The following FAM107A variants were observed in gnomAD, a reference collection of about 807,000 sequenced individuals.
The protein encoded by FAM107A is family with sequence similarity 107 member A.
Under a neutral mutation model 13.7 loss-of-function variants are expected in FAM107A, and 19 were observed. The ratio of observed to expected loss-of-function variants is 1.38; its 90% CI spans 0.97 to 2.03. The LOEUF is 2.03. Ranked by LOEUF, FAM107A falls within the 30% of genes most tolerant of loss-of-function variation. The pLI, the probability that FAM107A is intolerant of heterozygous loss-of-function variation, is 0.00. For synonymous variants in FAM107A, 82 were observed against 74.5 expected (o/e 1.10, Z -0.52); for missense variants, 203 against 184.4 (o/e 1.10, Z -0.58).
chr3:58,565,356 A>G lies in FAM107A; in HGVS notation c.*1232T>C, dbSNP rs1245333075. The G allele has an allele frequency of 6.7e-6, 1 of 150,272 alleles. No homozygotes were observed. Among genetic ancestry groups the G allele is most frequent in the East Asian group, 2.0e-4 (1 of 5,078 alleles). 9.3% of individuals were successfully genotyped at this position (150,272 alleles called of 1,614,324 possible). A position where few individuals can be genotyped will look rare whatever the true frequency, so the allele number is the denominator to read the frequency against. On this transcript the variant is annotated 3_prime_UTR_variant, in exon 4 of 4. Coordinates refer to ENST00000360997, the MANE Select transcript of FAM107A (RefSeq NM_001076778.3). ...AAGGTGGCAGTGGGGTCTTCAAACC[A>G]CTGTTTCTATTCCAGAAGCCTACTG...
chr3:58,581,268 GAGGAACCCAA>G (rs773531143), upstream of FAM107A, among the ~76,000 whole-genome samples: 4 of 152,240 alleles, frequency 2.6e-5, no homozygotes, highest in Non-Finnish European at 5.9e-5. Context: ...TTGGGAACCA[GAGGAACCCAA>G]AGGAAGGGGG....
At chr3:58,621,020 T>C (rs1006607087) in intron 1 of FAM107A, among the ~76,000 whole-genome samples, 4 of 152,030 alleles carry the variant, frequency 2.6e-5, no homozygotes, top group African/African-American at 7.3e-5. Context: ...TTTCAGGAGT[T>C]TCAGCCCAGG....
intron 1 of FAM107A, among the ~76,000 whole-genome samples, chr3:58,574,752 G>A (rs956222918): frequency 7.2e-5 from 11 of 152,310 alleles, no homozygotes; most frequent in African/African-American, 2.4e-4. Context: ...TCTGAGGAAA[G>A]ATTTGGAACC....
At chr3:58,574,939 T>C (rs1466359423) in intron 1 of FAM107A, among the ~76,000 whole-genome samples, 1 of 151,922 alleles carries the variant, frequency 6.6e-6, no homozygotes, top group Non-Finnish European at 1.5e-5. Flanking sequence ...GGTGGCAGAT[T>C]TGAAACCAAA....
At chr3:58,622,394 T>G (rs953263865) in intron 1 of FAM107A, among the ~76,000 whole-genome samples, 4 of 152,184 alleles carry the variant, frequency 2.6e-5, no homozygotes, top group African/African-American at 7.2e-5. Context: ...TGAGCTGAGA[T>G]TGTGCCACTG....
upstream of FAM107A, among the ~76,000 whole-genome samples, chr3:58,578,997 C>T (rs902607710): frequency 1.3e-5 from 2 of 152,160 alleles, no homozygotes; most frequent in South Asian, 2.1e-4. Flanking sequence ...AGGTAATATC[C>T]CTGCTGTCAG....
At chr3:58,574,543 G>A (rs1480678123) in intron 1 of FAM107A, among the ~76,000 whole-genome samples, 1 of 152,322 alleles carries the variant, frequency 6.6e-6, no homozygotes, top group East Asian at 1.9e-4. Context: ...TCTTGGGATG[G>A]TCTCTAACCT....
intron 1 of FAM107A, among the ~76,000 whole-genome samples, chr3:58,608,344 G>T (rs1425369225): frequency 1.3e-5 from 2 of 152,144 alleles, no homozygotes; most frequent in African/African-American, 4.8e-5. Flanking sequence ...GAACAATTTT[G>T]CTTAAAATAA....
intron 1 of FAM107A, among the ~76,000 whole-genome samples, chr3:58,594,158 C>T (rs1355275145): frequency 6.6e-6 from 1 of 152,214 alleles, no homozygotes; most frequent in Non-Finnish European, 1.5e-5. Flanking sequence ...GGCTTTTCAG[C>T]TCCGCATTAC....
At chr3:58,612,986 G>A (rs143078001) in intron 1 of FAM107A, among the ~76,000 whole-genome samples, 1 of 152,094 alleles carries the variant, frequency 6.6e-6, no homozygotes, top group South Asian at 2.1e-4. Flanking sequence ...AGGAATTGAC[G>A]GCGCACAGGG....
At chr3:58,570,867 T>A (rs1436094337) in intron 1 of FAM107A, among the ~76,000 whole-genome samples, 1 of 152,260 alleles carries the variant, frequency 6.6e-6, no homozygotes, top group African/African-American at 2.4e-5. Flanking sequence ...AATGCAACTT[T>A]TGAAGTTTTC....
chr3:58,576,741 T>G (rs1176784748), intron 1 of FAM107A, among the ~76,000 whole-genome samples: 1 of 152,216 alleles, frequency 6.6e-6, no homozygotes, highest in Non-Finnish European at 1.5e-5. Context: ...GTGCACTATG[T>G]GCCATGCACT....
At chr3:58,607,365 G>A (rs1278582745) in intron 1 of FAM107A, among the ~76,000 whole-genome samples, 1 of 152,170 alleles carries the variant, frequency 6.6e-6, no homozygotes, top group Non-Finnish European at 1.5e-5. Context: ...GTTGAGGAAA[G>A]GGGAGCTGGC....
Position 58,599,696 on chromosome 3 carries a change from A to ATTTTTTTTTTTTTTTTTT in FAM107A, c.-69-10445_-69-10428dup, listed in dbSNP as rs57244654. ...GTGGTATACTTAAAACAAGTGCACC[A>ATTTTTTTTTTTTTTTTTT]TTTTTTTTTTTTTTTTTTTTTTTTT... On this transcript the variant is annotated intron_variant, in intron 1 of 3. Transcript: ENST00000465970. Among the ~76,000 whole-genome samples, 37 of 78,590 alleles carry ATTTTTTTTTTTTTTTTTT rather than the reference A, an allele frequency of 4.7e-4. 11 individuals carry two copies. The highest frequency in any genetic ancestry group is 6.7e-4 in the Non-Finnish European group (25 of 37,400). 51.6% of individuals were successfully genotyped at this position (78,590 alleles called of 152,430 possible). A position where few individuals can be genotyped will look rare whatever the true frequency, so the allele number is the denominator to read the frequency against.
exon 1 of FAM107A, chr3:58,587,043 T>G (rs2108062411): frequency 2.2e-6 from 3 of 1,365,596 alleles, no homozygotes; most frequent in Non-Finnish European, 2.8e-6. Context: ...CGGCCCCAAG[T>G]CCCAAACCCC....
At position 58,617,014 on chromosome 3, in the gene FAM107A, C is replaced by T. The variant is rs1042392031; in HGVS notation, c.-70+10402G>A. ...GTCTCAATCTCTTGACCTTGTGATC[C>T]GCCTGCCTCGGCCTCCCAAAGTGCT... On this transcript the variant is annotated intron_variant, in intron 1 of 3. Transcript: ENST00000465970. The surrounding 1 kb of genome is among the most constrained non-coding windows in gnomAD (Gnocchi z 4.5). Among the ~76,000 whole-genome samples, 5 of 152,156 alleles carry T rather than the reference C, an allele frequency of 3.3e-5. No homozygotes were observed. Among genetic ancestry groups the T allele is most frequent in the Non-Finnish European group, 5.9e-5 (4 of 68,020 alleles).
At position 58,567,497 on chromosome 3, in the gene FAM107A, C is replaced by A. The variant is rs945305145; in HGVS notation, c.171-133G>T. On this transcript the variant is annotated intron_variant, in intron 2 of 3. Coordinates refer to ENST00000360997, the MANE Select transcript of FAM107A (RefSeq NM_001076778.3). ...TCCTCCCTGTAGCCTTGGAGGTGGA[C>A]CCATTACTGTCCCATTTTACAGGGA... is the stretch of plus-strand genomic sequence containing the variant. The A allele has an allele frequency of 1.3e-5, 13 of 991,238 alleles. No homozygotes were observed. In the Admixed American group the frequency reaches 2.4e-4, roughly 18 times the overall value. 61.4% of individuals were successfully genotyped at this position (991,238 alleles called of 1,614,324 possible).
chr3:58,589,047 A>G (rs546186741), upstream of FAM107A, among the ~76,000 whole-genome samples: 30 of 152,214 alleles, frequency 2.0e-4, no homozygotes, highest in South Asian at 5.0e-3. Flanking sequence ...CAGAATTTGA[A>G]CCCAGATGGT....
chr3:58,611,898 T>C (rs2065858275), intron 1 of FAM107A, among the ~76,000 whole-genome samples: 1 of 152,212 alleles, frequency 6.6e-6, no homozygotes, highest in South Asian at 2.1e-4. Context: ...AAATTGTTTG[T>C]TGCCAAACTG....
Sources: gnomAD v4.1 joint callset for allele counts (sites outside exome capture counted in the v4.1 genomes callset) on GRCh38, gnomAD v4.1.1 for gene constraint, Gnocchi (gnomAD v3.1) non-coding constraint, MANE v1.5 for transcripts, NCBI Gene and HGNC (gene_info 2026-07-23, HGNC 2026-07-21) for gene names.